The following ETFA variants were observed in gnomAD, a reference collection of about 807,000 sequenced individuals.
ETFA encodes electron transfer flavoprotein subunit alpha, mitochondrial.
In ETFA, 22 loss-of-function variants were observed where a neutral mutation model predicts 46.2. The ratio of observed to expected loss-of-function variants is 0.48; its 90% CI spans 0.34 to 0.68. The LOEUF (loss-of-function observed/expected upper bound fraction) is 0.68. ETFA is among the 30% of genes least tolerant of loss of function. The probability of loss-of-function intolerance (pLI) is 0.01; values close to 1 mark genes in which losing one functional copy is unlikely to be tolerated. For synonymous variants in ETFA, 131 were observed against 139.9 expected (o/e 0.94, Z 0.45); for missense variants, 345 against 401.1 (o/e 0.86, Z 1.19).
In ETFA at chr15:76,215,404, G is replaced by C. The variant is rs1432381746; in HGVS notation, c.*1155C>G. ...AACTGATTGTGACACAAATCAGAAAGGGTTCACTAGTCAGCTGGGGAAGGG... is the reference window on the plus strand; with the variant it reads ...AACTGATTGTGACACAAATCAGAAACGGTTCACTAGTCAGCTGGGGAAGGG... On this transcript the variant is annotated 3_prime_UTR_variant, in exon 12 of 12. Coordinates refer to ENST00000557943, the MANE Select transcript of ETFA (RefSeq NM_000126.4). 1 of 152,162 alleles carries C rather than the reference G, an allele frequency of 6.6e-6. No individual in the cohort carries two copies. Among genetic ancestry groups the C allele is most frequent in the Non-Finnish European group, 1.5e-5 (1 of 68,038 alleles). 9.4% of individuals were successfully genotyped at this position (152,162 alleles called of 1,614,324 possible).
intron 9 of ETFA, among the ~76,000 whole-genome samples, chr15:76,262,474 C>CCTTT (rs1288079854): frequency 5.9e-5 from 5 of 84,688 alleles, no homozygotes; most frequent in Admixed American, 1.9e-4. Flanking sequence ...ATCAAACCCC[C>CCTTT]TTTTTTTTTT....
intron 11 of ETFA, among the ~76,000 whole-genome samples, chr15:76,223,216 CTTTT>C (rs3065601): frequency 1.6e-5 from 2 of 122,010 alleles, no homozygotes; most frequent in African/African-American, 3.0e-5. Flanking sequence ...TACTTCAGAA[CTTTT>C]TTTTTTTTTT....
intron 8 of ETFA, among the ~76,000 whole-genome samples, chr15:76,282,008 A>G (rs2039659130): frequency 6.7e-6 from 1 of 150,052 alleles, no homozygotes; most frequent in Non-Finnish European, 1.5e-5. Context: ...GGTTCAAGGA[A>G]TTCTCCTGCC....
chr15:76,286,736 T>A lies in ETFA; in HGVS notation c.452-255A>T, dbSNP rs1368557982. Among the ~76,000 whole-genome samples, 5 of 152,118 alleles carry A rather than the reference T, an allele frequency of 3.3e-5. No individual in the cohort carries two copies. The East Asian group carries it at 9.6e-4, about 29-fold the overall frequency. ...TAGAAGGAAGAAACTCGAACAGGCA[T>A]CCACACTAAGAAGGTACACTACACC... On this transcript the variant is annotated intron_variant, in intron 5 of 11. Transcript: ENST00000557943.
chr15:76,303,618 C>CA (rs2141554104), intron 1 of ETFA, among the ~76,000 whole-genome samples: 1 of 152,040 alleles, frequency 6.6e-6, no homozygotes, highest in South Asian at 2.1e-4. Flanking sequence ...AATCAACAAG[C>CA]AAAAAACAAC....
intron 9 of ETFA, among the ~76,000 whole-genome samples, chr15:76,237,200 G>A (rs2039133813): frequency 6.6e-6 from 1 of 152,066 alleles, no homozygotes; most frequent in Non-Finnish European, 1.5e-5. Flanking sequence ...TTACAGGAAC[G>A]TGCCACCTCG....
At chr15:76,289,106 T>G (rs1430880234) in intron 4 of ETFA, among the ~76,000 whole-genome samples, 1 of 147,554 alleles carries the variant, frequency 6.8e-6, no homozygotes, top group Admixed American at 6.6e-5. Context: ...TTATGTTTTG[T>G]TTTTTTCTGT....
intron 9 of ETFA, among the ~76,000 whole-genome samples, chr15:76,246,848 A>G (rs1000202274): frequency 6.6e-6 from 1 of 152,100 alleles, no homozygotes; most frequent in African/African-American, 2.4e-5. Flanking sequence ...AAAAAAAAGA[A>G]AAGAAAATTA....
intron 9 of ETFA, among the ~76,000 whole-genome samples, chr15:76,255,026 T>A (rs1020593091): frequency 6.6e-6 from 1 of 152,194 alleles, no homozygotes; most frequent in African/African-American, 2.4e-5. Flanking sequence ...TCTAAAACTA[T>A]TCTATTTTGA....
At chr15:76,303,421 C>T (rs781040573) in intron 1 of ETFA, among the ~76,000 whole-genome samples, 2 of 152,186 alleles carry the variant, frequency 1.3e-5, no homozygotes, top group South Asian at 2.1e-4. Context: ...GATTTCATGA[C>T]GAACACTCCA....
chr15:76,261,638 T>A, intron 9 of ETFA: 1 of 399,922 alleles, frequency 2.5e-6, no homozygotes, highest in African/African-American at 2.1e-5. Flanking sequence ...CCCCAGCTGC[T>A]GTGGCGGCAG....
Position 76,306,267 on chromosome 15 carries a change from C to CTTTTTTTTTTTTTT in ETFA, c.39+5069_39+5082dup, listed in dbSNP as rs35290919. Among the ~76,000 whole-genome samples, 1,051 of 109,392 alleles carry CTTTTTTTTTTTTTT rather than the reference C, an allele frequency of 9.6e-3. 42 individuals are homozygous for CTTTTTTTTTTTTTT. The highest frequency in any genetic ancestry group is 0.026 in the East Asian group (74 of 2,864). 71.8% of individuals were successfully genotyped at this position (109,392 alleles called of 152,430 possible). A position where few individuals can be genotyped will look rare whatever the true frequency, so the allele number is the denominator to read the frequency against. On this transcript the variant is annotated intron_variant, in intron 1 of 11. Transcript: ENST00000557943. Reference sequence around the variant, plus strand: ...AGGGCAGGGGAGGGTTTTTTTGCTTCTTTTTTTTTTTTTTTTTGAGACAGA... The same window carrying CTTTTTTTTTTTTTT: ...AGGGCAGGGGAGGGTTTTTTTGCTTCTTTTTTTTTTTTTTTTTTTTTTTTTTTTTTTGAGACAGA...
At chr15:76,293,008 G>A (rs1310004747) in intron 2 of ETFA, among the ~76,000 whole-genome samples, 1 of 152,082 alleles carries the variant, frequency 6.6e-6, no homozygotes, top group Non-Finnish European at 1.5e-5. Flanking sequence ...ATGGTGGCGG[G>A]CACCTGTAAT....
intron 1 of ETFA, among the ~76,000 whole-genome samples, chr15:76,310,974 T>C (rs1361713260): frequency 6.6e-6 from 1 of 152,094 alleles, no homozygotes; most frequent in African/African-American, 2.4e-5. Flanking sequence ...CAACAGGGCA[T>C]TCCCCGGTGA....
At chr15:76,243,902 T>C (rs959139787) in intron 9 of ETFA, among the ~76,000 whole-genome samples, 3 of 152,132 alleles carry the variant, frequency 2.0e-5, no homozygotes, top group Admixed American at 2.0e-4. Flanking sequence ...ATTAGTTTTT[T>C]TGAGACAGAG....
chr15:76,290,257 T>C (rs1208727682), intron 4 of ETFA, among the ~76,000 whole-genome samples: 4 of 151,756 alleles, frequency 2.6e-5, no homozygotes, highest in African/African-American at 4.8e-5. Flanking sequence ...TGGAACCAAG[T>C]TAACTGTCCT....
In ETFA at chr15:76,216,514, TG is replaced by T; in HGVS notation, c.*44del. 1 of 1,074,688 alleles carries T rather than the reference TG, an allele frequency of 9.3e-7. No individual in the cohort carries two copies. Among genetic ancestry groups the T allele is most frequent in the Non-Finnish European group, 1.5e-6 (1 of 689,058 alleles). 66.6% of individuals were successfully genotyped at this position (1,074,688 alleles called of 1,614,324 possible). On this transcript the variant is annotated 3_prime_UTR_variant, in exon 12 of 12. Coordinates refer to ENST00000557943, the MANE Select transcript of ETFA (RefSeq NM_000126.4). The stretch of plus-strand genomic sequence containing the variant: ...TACCCACAAATATCTGTGATTTCAG[TG>T]GAATACTTTAACAAAAGTTTTCTTT...
intron 9 of ETFA, among the ~76,000 whole-genome samples, chr15:76,254,324 C>T (rs2039329342): frequency 6.6e-6 from 1 of 152,142 alleles, no homozygotes; most frequent in African/African-American, 2.4e-5. Context: ...CCGCATTAGG[C>T]ATGTATGAGG....
At chr15:76,262,378 G>A (rs2039423436) in intron 9 of ETFA, among the ~76,000 whole-genome samples, 1 of 151,038 alleles carries the variant, frequency 6.6e-6, no homozygotes, top group Admixed American at 6.6e-5. Flanking sequence ...TCCCAAATGT[G>A]GTAAAAGGCA....
Sources: allele counts gnomAD v4.1 joint callset (sites outside exome capture counted in the v4.1 genomes callset), GRCh38; gene constraint gnomAD v4.1.1; transcripts MANE v1.5; gene names NCBI Gene and HGNC (gene_info 2026-07-23, HGNC 2026-07-21).